DPYD: variants seen among roughly 807,000 people sequenced by gnomAD.
DPYD encodes the protein dihydropyrimidine dehydrogenase.
Under a neutral mutation model 116.2 loss-of-function variants are expected in DPYD, and 109 were observed. The ratio of observed to expected loss-of-function variants is 0.94; its 90% CI spans 0.80 to 1.10. The LOEUF is 1.10. DPYD is among the 50% of genes least tolerant of loss of function. DPYD has a pLI of 0.00. For missense variants in DPYD, 1,302 were observed against 1,254.5 expected (o/e 1.04, Z -0.57); for synonymous variants, 440 against 432.0 (o/e 1.02, Z -0.23).
chr1:97,253,615 C>T (rs971682251), intron 18 of DPYD, among the ~76,000 whole-genome samples: 1 of 152,074 alleles, frequency 6.6e-6, no homozygotes, highest in Non-Finnish European at 1.5e-5. Flanking sequence ...TCACTATTAG[C>T]ATTTAAATTC....
At chr1:97,884,882 T>C (rs1672402168) in intron 1 of DPYD, among the ~76,000 whole-genome samples, 1 of 152,066 alleles carries the variant, frequency 6.6e-6, no homozygotes, top group Admixed American at 6.6e-5. Context: ...ATATAATTTT[T>C]AATTCCTAGT....
chr1:97,707,046 G>C (rs1662003239), intron 5 of DPYD, among the ~76,000 whole-genome samples: 1 of 152,040 alleles, frequency 6.6e-6, no homozygotes, highest in African/African-American at 2.4e-5. Flanking sequence ...GGTCTCCTCT[G>C]AATGTTTGTG....
chr1:97,632,459 A>C (rs1335953764), intron 8 of DPYD, among the ~76,000 whole-genome samples: 1 of 152,156 alleles, frequency 6.6e-6, no homozygotes. Context: ...TCATACTACT[A>C]CTGATATACA....
chr1:97,777,492 A>G (rs1666475512), intron 3 of DPYD, among the ~76,000 whole-genome samples: 1 of 152,212 alleles, frequency 6.6e-6, no homozygotes, highest in Non-Finnish European at 1.5e-5. Context: ...CTTACAGATG[A>G]TCAAGTTCAA....
chr1:97,857,760 T>C (rs1038948803), intron 2 of DPYD, among the ~76,000 whole-genome samples: 1 of 151,924 alleles, frequency 6.6e-6, no homozygotes, highest in Non-Finnish European at 1.5e-5. Context: ...CCCAAAGAGG[T>C]GGTCATGGGA....
At chr1:97,914,403 A>T (rs1674118764) in intron 1 of DPYD, among the ~76,000 whole-genome samples, 1 of 152,186 alleles carries the variant, frequency 6.6e-6, no homozygotes, top group African/African-American at 2.4e-5. Context: ...TGGAAATACA[A>T]GGGTTTGTTT....
intron 3 of DPYD, among the ~76,000 whole-genome samples, chr1:97,802,583 T>C (rs1667895270): frequency 6.6e-6 from 1 of 151,848 alleles, no homozygotes; most frequent in Admixed American, 6.6e-5. Flanking sequence ...AGATATTTAT[T>C]TTACCAAGAC....
At chr1:97,480,164 T>C (rs1297650021) in intron 13 of DPYD, among the ~76,000 whole-genome samples, 1 of 152,122 alleles carries the variant, frequency 6.6e-6, no homozygotes, top group Non-Finnish European at 1.5e-5. Context: ...TCTATAAGGA[T>C]ACTAAAAATA....
intron 20 of DPYD, among the ~76,000 whole-genome samples, chr1:97,103,899 C>T (rs1335231203): frequency 1.3e-5 from 2 of 152,144 alleles, no homozygotes; most frequent in Non-Finnish European, 2.9e-5. Flanking sequence ...GCATTGTGTA[C>T]TGTGCTCTGT....
At chr1:97,173,149 C>T (rs12083975) in intron 20 of DPYD, among the ~76,000 whole-genome samples, 4,237 of 151,460 alleles carry the variant, frequency 0.028, 164 homozygotes, top group African/African-American at 0.091. Flanking sequence ...AGTATATATA[C>T]ACATATGTAC....
At chr1:97,277,350 G>A (rs1432387971) in intron 18 of DPYD, among the ~76,000 whole-genome samples, 1 of 150,872 alleles carries the variant, frequency 6.6e-6, no homozygotes, top group East Asian at 2.0e-4. Context: ...GTGTACCCTT[G>A]AATCTAAAAT....
At chr1:97,833,123 T>G (rs967990423) in intron 2 of DPYD, among the ~76,000 whole-genome samples, 1 of 151,838 alleles carries the variant, frequency 6.6e-6, no homozygotes, top group Non-Finnish European at 1.5e-5. Flanking sequence ...TAAAACTAAA[T>G]CAGATCTAAA....
intron 1 of DPYD, among the ~76,000 whole-genome samples, chr1:97,909,306 C>T (rs1673805492): frequency 6.6e-6 from 1 of 152,028 alleles, no homozygotes; most frequent in Admixed American, 6.6e-5. Flanking sequence ...TATTATCAAT[C>T]CTATTCCCTC....
At chr1:97,228,880 A>C (rs932039066) in intron 19 of DPYD, among the ~76,000 whole-genome samples, 10 of 152,074 alleles carry the variant, frequency 6.6e-5, no homozygotes, top group African/African-American at 2.2e-4. Flanking sequence ...CTGTATGAAA[A>C]AGATTCGAAC....
intron 22 of DPYD, among the ~76,000 whole-genome samples, chr1:97,079,434 G>A (rs575065288): frequency 6.6e-6 from 1 of 152,246 alleles, no homozygotes; most frequent in Admixed American, 6.5e-5. Context: ...AGTTTTCTTT[G>A]TTCTGAGCAG....
intron 20 of DPYD, among the ~76,000 whole-genome samples, chr1:97,119,383 CAA>C (rs1360953514): frequency 6.6e-6 from 1 of 152,110 alleles, no homozygotes; most frequent in African/African-American, 2.4e-5. Context: ...AAGATGATAT[CAA>C]AGACTGCAGA....
intron 18 of DPYD, among the ~76,000 whole-genome samples, chr1:97,275,928 C>G (rs1451933467): frequency 1.3e-5 from 2 of 151,958 alleles, no homozygotes; most frequent in Non-Finnish European, 2.9e-5. Context: ...TCTTCTTACT[C>G]TTCCTGTTCA....
At chr1:97,785,037 C>G (rs923874397) in intron 3 of DPYD, among the ~76,000 whole-genome samples, 1 of 152,084 alleles carries the variant, frequency 6.6e-6, no homozygotes, top group African/African-American at 2.4e-5. Context: ...TTAATAAACA[C>G]AAATAAATTT....
intron 3 of DPYD, among the ~76,000 whole-genome samples, chr1:97,767,924 G>A (rs2101149399): frequency 6.6e-6 from 1 of 152,072 alleles, no homozygotes; most frequent in South Asian, 2.1e-4. Context: ...CTTTCAACTT[G>A]ACTGTGTTTT....
Sources: allele counts gnomAD v4.1 joint callset (sites outside exome capture counted in the v4.1 genomes callset), GRCh38; gene constraint gnomAD v4.1.1; transcripts MANE v1.5; gene names NCBI Gene and HGNC (gene_info 2026-07-23, HGNC 2026-07-21).